Variants in SBF1 observed in about 807,000 individuals in gnomAD.
SBF1 encodes myotubularin-related protein 5.
A neutral mutation model predicts 215.8 loss-of-function variants in SBF1; 65 were observed. The ratio of observed to expected loss-of-function variants is 0.30; its 90% CI spans 0.25 to 0.37. The LOEUF (loss-of-function observed/expected upper bound fraction) is 0.37, where lower values mean the gene tolerates loss of function less well. Ranked by LOEUF, SBF1 falls within the 10% of genes least tolerant of loss-of-function variation. SBF1 has a pLI of 1.00. For synonymous variants in SBF1, 1,410 were observed against 1,122.8 expected (o/e 1.26, Z -5.11); for missense variants, 2,634 against 2,667.8 (o/e 0.99, Z 0.28).
intron 38 of SBF1, among the ~76,000 whole-genome samples, 190 bp from the exon 39 acceptor site, chr22:50,447,799 CAAG>C (rs1216055360): frequency 6.6e-6 from 1 of 152,224 alleles, no homozygotes; most frequent in African/African-American, 2.4e-5. Context: ...GCTGCAGGCC[CAAG>C]AAGACGACGC....
rs529304084 is a variant in SBF1 at position 50,470,186 on chromosome 22, G to A, written c.56-1725C>T. On this transcript the variant is annotated intron_variant, in intron 1 of 40. Coordinates refer to ENST00000380817, the MANE Select transcript of SBF1 (RefSeq NM_002972.4). Reference sequence around the variant, plus strand: ...GTGTTTGGCCCCAAACCACCATCTGGGCCCAGCCCTGGCTGGCACCCAGGG... The same window carrying A: ...GTGTTTGGCCCCAAACCACCATCTGAGCCCAGCCCTGGCTGGCACCCAGGG... Among the ~76,000 whole-genome samples the A allele has an allele frequency of 1.6e-3, 239 of 152,024 alleles. 3 individuals carry two copies. The highest frequency in any genetic ancestry group is 5.5e-3 in the African/African-American group (226 of 41,462).
Position 50,448,645 on chromosome 22 carries a change from C to T in SBF1, c.5049G>A (p.Leu1683=), listed in dbSNP as rs1027321407. 1.6e-5 allele frequency: 26 copies of T among 1,609,698 alleles called. No individual in the cohort carries two copies. The highest frequency in any genetic ancestry group is 2.1e-5 in the Non-Finnish European group (25 of 1,179,062). ...GGCCCAACTCTGTCTCCAGCCTCTG[C>T]AGCTCCTGGGGGAAGAATTAATGGC... ...PDAISRLLEE[L]QRLETELGQP... is the part of the protein sequence containing the mutation. Residue 1683 remains leucine (L), a synonymous_variant, in exon 37 of 41, where the codon CTG becomes CTA. Coordinates refer to ENST00000380817, the MANE Select transcript of SBF1 (RefSeq NM_002972.4).
chr22:50,466,814 C>T (rs1036559746), intron 5 of SBF1, 104 bp from the exon 6 acceptor site: 27 of 766,754 alleles, frequency 3.5e-5, no homozygotes, highest in East Asian at 3.4e-4. Context: ...CTGACAGACC[C>T]GAGGTGGGAC....
rs370165302 is a variant in SBF1 at position 50,462,973 on chromosome 22, C to A, written c.1900-35G>T. ...GAGCGAGAGACCGTCAGGACCTCTC[C>A]CCTCCCAGGCAGCACTCACCTCCCA... On this transcript the variant is annotated intron_variant, in intron 16 of 40. Coordinates refer to ENST00000380817, the MANE Select transcript of SBF1 (RefSeq NM_002972.4). 7.6e-6 allele frequency: 12 copies of A among 1,581,032 alleles called. No homozygotes were observed. The African/African-American group carries it at 1.6e-4, about 21-fold the overall frequency.
chr22:50,474,966 G>A lies in SBF1; in HGVS notation c.-126C>T. On this transcript the variant is annotated 5_prime_UTR_variant, in exon 1 of 41. Transcript: ENST00000380817. Reference sequence around the variant, plus strand: ...ACCCCGGACACCCCTGGTTCGCTCCGCGGCGGCGGCGGCGGCGGCGGCGGC... The same window carrying A: ...ACCCCGGACACCCCTGGTTCGCTCCACGGCGGCGGCGGCGGCGGCGGCGGC... 1 of 18,682 alleles carries A rather than the reference G, an allele frequency of 5.4e-5. No individual in the cohort carries two copies. Among genetic ancestry groups the A allele is most frequent in the Non-Finnish European group, 7.9e-5 (1 of 12,608 alleles). The allele number at this position is 18,682 out of a possible 1,614,324, so 1.2% of individuals were successfully genotyped here.
chr22:50,461,020 T>A, intron 23 of SBF1, 139 bp downstream of exon 23: 1 of 1,165,734 alleles, frequency 8.6e-7, no homozygotes, highest in Non-Finnish European at 1.2e-6. Flanking sequence ...AGAGCCACAG[T>A]GAGGGCCCCA....
intron 1 of SBF1, among the ~76,000 whole-genome samples, chr22:50,474,180 G>A (rs1369702092): frequency 6.6e-6 from 1 of 152,210 alleles, no homozygotes; most frequent in Non-Finnish European, 1.5e-5. Context: ...ACCGTCAGGC[G>A]AGTCGCCAGG....
At position 50,447,371 on chromosome 22, in the gene SBF1, G is replaced by A. The variant is rs374954381; in HGVS notation, c.5534C>T (p.Thr1845Met). Residue 1845 changes from threonine to methionine, a missense_variant, in exon 40 of 41, where the codon ACG becomes ATG. Physicochemically the swap from Thr to Met is moderately conservative, Grantham distance 81. Transcript: ENST00000380817. The stretch of plus-strand genomic sequence containing the variant: ...AGTCTTAGGGGCACCCATAGTGGGC[G>A]TGCCAGGTGCCACAGCCTCCACCTC... ...LAEVEAVAPG[T>M]PTMGAPKTVD... 82 of 1,613,984 alleles carry A rather than the reference G, an allele frequency of 5.1e-5. No homozygotes were observed. The East Asian group carries it at 1.2e-3, about 23-fold the overall frequency.
intron 18 of SBF1, 33 bp downstream of exon 18, chr22:50,462,526 C>A: frequency 6.2e-7 from 1 of 1,609,906 alleles, no homozygotes; most frequent in Non-Finnish European, 8.5e-7. Context: ...AGCCCCTAGC[C>A]CCCAGCCCCC....
At position 50,462,706 on chromosome 22, in the gene SBF1, C is replaced by G. The variant is rs143643893; in HGVS notation, c.1980G>C (p.Pro660=). Residue 660 remains proline (P), a synonymous_variant, in exon 18 of 41, where the codon CCG becomes CCC. Coordinates refer to ENST00000380817, the MANE Select transcript of SBF1 (RefSeq NM_002972.4). The part of the protein sequence containing the change: ...LVTAFCRKLS[P]GVTQFAYSCV... The stretch of plus-strand genomic sequence containing the variant: ...AGCTGTATGCAAACTGCGTCACCCC[C>G]GGGCTCAGCTTCTGCAGGAGCCAGG... The G allele has an allele frequency of 6.2e-7, 1 of 1,611,494 alleles. No individual in the cohort carries two copies. The highest frequency in any genetic ancestry group is 2.2e-5 in the East Asian group (1 of 44,834).
In SBF1 at chr22:50,465,832, G is replaced by A. The variant is rs747418317; in HGVS notation, c.1020C>T (p.Asp340=). The change falls in exon 10 of 41, where the codon GAC becomes GAT. Residue 340 remains aspartate, a synonymous_variant. Transcript: ENST00000380817. ...CGAGGTCAGCCAACTCCAGCTCCGG[G>A]TCCAGGACCTGCCAGCACAGAATGG... The part of the protein sequence containing the change: ...QTHSVLSMVL[D]PELELADLAF... 3.1e-6 allele frequency: 5 copies of A among 1,612,854 alleles called. No individual in the cohort carries two copies. Among genetic ancestry groups the A allele is most frequent in the Middle Eastern group, 1.7e-4 (1 of 5,818 alleles).
At position 50,463,440 on chromosome 22, in the gene SBF1, T is replaced by C; in HGVS notation, c.1750-8A>G. ...CAACACGGCTGGGAGCAGCTGGGGG[T>C]GGGGAAAGGAGACACGGGCTGAGGG... On this transcript the variant is annotated splice_polypyrimidine_tract_variant and splice_region_variant and intron_variant, in intron 15 of 40. Coordinates refer to ENST00000380817, the MANE Select transcript of SBF1 (RefSeq NM_002972.4). The C allele has an allele frequency of 6.4e-7, 1 of 1,556,138 alleles. No homozygotes were observed. The highest frequency in any genetic ancestry group is 8.7e-7 in the Non-Finnish European group (1 of 1,148,760).
intron 2 of SBF1, among the ~76,000 whole-genome samples, chr22:50,468,124 T>C (rs973441878): frequency 6.6e-6 from 1 of 152,198 alleles, no homozygotes; most frequent in Non-Finnish European, 1.5e-5. Context: ...CCTCCCCACC[T>C]GGGGCAAGGA....
intron 17 of SBF1, 32 bp downstream of exon 17, chr22:50,462,838 G>T: frequency 6.2e-7 from 1 of 1,612,444 alleles, no homozygotes; most frequent in Admixed American, 1.7e-5. Flanking sequence ...AGGGGGGGCT[G>T]GGAAGGAGAC....
intron 16 of SBF1, 28 bp downstream of exon 16, chr22:50,463,255 A>G: frequency 6.2e-7 from 1 of 1,612,414 alleles, no homozygotes; most frequent in Non-Finnish European, 8.5e-7. Flanking sequence ...GCCATGAGCC[A>G]TGTCACTAGC....
Position 50,474,965 on chromosome 22 carries a change from C to CGCG in SBF1, c.-128_-126dup, listed in dbSNP as rs71198252. ...CACCCCGGACACCCCTGGTTCGCTC[C>CGCG]GCGGCGGCGGCGGCGGCGGCGGCGG... On this transcript the variant is annotated 5_prime_UTR_variant, in exon 1 of 41. Coordinates refer to ENST00000380817, the MANE Select transcript of SBF1 (RefSeq NM_002972.4). 1,373 of 276,792 alleles carry CGCG rather than the reference C, an allele frequency of 5.0e-3. 8 individuals carry two copies. The highest frequency in any genetic ancestry group is 0.014 in the East Asian group (94 of 6,798). The allele number at this position is 276,792 out of a possible 1,614,324, so 17.1% of individuals were successfully genotyped here.
chr22:50,459,020 G>A (rs9628261), intron 28 of SBF1, among the ~76,000 whole-genome samples: 3 of 152,310 alleles, frequency 2.0e-5, no homozygotes, highest in South Asian at 4.1e-4. Context: ...AGAGCGGGCA[G>A]GACGTCAGGG....
chr22:50,453,319 C>T lies in SBF1; in HGVS notation c.5043+1193G>A, dbSNP rs1166251199. Among the ~76,000 whole-genome samples, 4 of 152,222 alleles carry T rather than the reference C, an allele frequency of 2.6e-5. No homozygotes were observed. The East Asian group carries it at 5.8e-4, about 22-fold the overall frequency. On this transcript the variant is annotated intron_variant, in intron 36 of 40. Coordinates refer to ENST00000380817, the MANE Select transcript of SBF1 (RefSeq NM_002972.4). Reference sequence around the variant, plus strand: ...CATCGCTAGAGAGAAAAAGGGACTGCTGTCTGTGCTTTGTGGGTCACCTCC... The same window carrying T: ...CATCGCTAGAGAGAAAAAGGGACTGTTGTCTGTGCTTTGTGGGTCACCTCC...
rs755841067 is a variant in SBF1 at position 50,465,754 on chromosome 22, G to A, written c.1089+9C>T. 1.3e-5 allele frequency: 20 copies of A among 1,593,010 alleles called. No individual in the cohort carries two copies. The highest frequency in any genetic ancestry group is 3.4e-5 in the South Asian group (3 of 88,528). On this transcript the variant is annotated intron_variant, in intron 10 of 40. Transcript: ENST00000380817. Reference sequence around the variant, plus strand: ...GGGGTCCCCATGCAGGAGCAGCAACGACCCCCACCTGCATCTTCAGGGAGG... The same window carrying A: ...GGGGTCCCCATGCAGGAGCAGCAACAACCCCCACCTGCATCTTCAGGGAGG...
Sources: allele counts gnomAD v4.1 joint callset (sites outside exome capture counted in the v4.1 genomes callset), GRCh38; gene constraint gnomAD v4.1.1; transcripts MANE v1.5; gene names NCBI Gene and HGNC (gene_info 2026-07-23, HGNC 2026-07-21).